Variants in SCNN1B observed in about 807,000 individuals in gnomAD.
SCNN1B encodes epithelial sodium channel subunit beta.
In SCNN1B, 46 loss-of-function variants were observed where a neutral mutation model predicts 65.3. The ratio of observed to expected loss-of-function variants is 0.70; its 90% CI spans 0.56 to 0.90. The LOEUF (loss-of-function observed/expected upper bound fraction) is 0.90, where lower values mean the gene tolerates loss of function less well. Ranked by LOEUF, SCNN1B falls within the 40% of genes least tolerant of loss-of-function variation. The probability of loss-of-function intolerance (pLI) is 0.00; values close to 1 mark genes in which losing one functional copy is unlikely to be tolerated. For synonymous variants in SCNN1B, 349 were observed against 330.6 expected (o/e 1.06, Z -0.60); for missense variants, 751 against 830.5 (o/e 0.90, Z 1.18).
intron 3 of SCNN1B, among the ~76,000 whole-genome samples, chr16:23,354,396 A>G (rs1240594090): frequency 6.6e-6 from 1 of 152,228 alleles, no homozygotes; most frequent in Non-Finnish European, 1.5e-5. Flanking sequence ...TGCCAGGGGA[A>G]GCTTCTCTAT....
Position 23,377,845 on chromosome 16 carries a change from G to A in SCNN1B, c.1404+459G>A, listed in dbSNP as rs191672026. Among the ~76,000 whole-genome samples the A allele has an allele frequency of 2.7e-5, 4 of 149,532 alleles. No individual in the cohort carries two copies. The Admixed American group carries it at 2.7e-4, about 10-fold the overall frequency. ...CCAATATTCTCCCAGGCACTGTGCTGTGTACACAGCACAGAATTAGACAGA... is the reference window on the plus strand; with the variant it reads ...CCAATATTCTCCCAGGCACTGTGCTATGTACACAGCACAGAATTAGACAGA... On this transcript the variant is annotated intron_variant, in intron 10 of 12. Transcript: ENST00000343070.
intron 1 of SCNN1B, among the ~76,000 whole-genome samples, chr16:23,342,545 C>G (rs1410560819): frequency 6.6e-6 from 1 of 152,216 alleles, no homozygotes; most frequent in African/African-American, 2.4e-5. Context: ...CTGTGCCCAG[C>G]CTGCAATTCT....
At chr16:23,292,373 A>G (rs2141971049) in intron 2 of SCNN1B, among the ~76,000 whole-genome samples, 1 of 149,176 alleles carries the variant, frequency 6.7e-6, no homozygotes, top group Non-Finnish European at 1.5e-5. Context: ...TTGTTTTTGT[A>G]TTTTTAGTAG....
At chr16:23,342,779 T>A (rs1962080109) in intron 1 of SCNN1B, among the ~76,000 whole-genome samples, 1 of 152,128 alleles carries the variant, frequency 6.6e-6, no homozygotes, top group South Asian at 2.1e-4. Context: ...AAAAGCTTGA[T>A]TTATATGAAA....
intron 1 of SCNN1B, chr16:23,304,230 C>G (rs1961145606): frequency 1.4e-6 from 1 of 702,154 alleles, no homozygotes; most frequent in African/African-American, 1.8e-5. Context: ...TTCCACTGCT[C>G]ACATACGGAC....
At chr16:23,288,937 T>C (rs774775815) in intron 2 of SCNN1B, among the ~76,000 whole-genome samples, 8 of 152,226 alleles carry the variant, frequency 5.3e-5, no homozygotes, top group Admixed American at 6.5e-5. Context: ...TCTCAGTTTC[T>C]TGCCATGTGA....
In SCNN1B at chr16:23,343,475, A is replaced by AAGGAAGGAAGG. The variant is rs1567304134; in HGVS notation, c.-8-5116_-8-5115insGGAAGGAAGGA. On this transcript the variant is annotated intron_variant, in intron 1 of 12. Transcript: ENST00000343070. ...CAAAAATAAAAAAAGGAAAAGAAAG[A>AAGGAAGGAAGG]AAGGAAGGAAGGAAGGAAGGAAGGA... 2.9e-3 allele frequency among the ~76,000 whole-genome samples: 325 copies of AAGGAAGGAAGG among 113,134 alleles called. 18 individuals carry two copies. Among genetic ancestry groups the AAGGAAGGAAGG allele is most frequent in the African/African-American group, 0.017 (308 of 18,172 alleles). The allele number at this position is 113,134 out of a possible 152,430, so 74.2% of individuals were successfully genotyped here. A position where few individuals can be genotyped will look rare whatever the true frequency, so the allele number is the denominator to read the frequency against.
chr16:23,307,388 C>T (rs183045017), intron 1 of SCNN1B, among the ~76,000 whole-genome samples: 167 of 143,734 alleles, frequency 1.2e-3, no homozygotes, highest in African/African-American at 4.1e-3. Context: ...GGTGTGATCT[C>T]GGCTCACTGC....
Position 23,305,576 on chromosome 16 carries a change from AT to A in SCNN1B, c.-9+3141del, listed in dbSNP as rs1162728377. Among the ~76,000 whole-genome samples, 172 of 25,146 alleles carry A rather than the reference AT, an allele frequency of 6.8e-3. 12 individuals are homozygous for A. Among genetic ancestry groups the A allele is most frequent in the African/African-American group, 0.043 (116 of 2,680 alleles). 16.5% of individuals were successfully genotyped at this position (25,146 alleles called of 152,430 possible). On this transcript the variant is annotated intron_variant, in intron 1 of 12. Coordinates refer to ENST00000343070, the MANE Select transcript of SCNN1B (RefSeq NM_000336.3). Reference sequence around the variant, plus strand: ...TATATATATATATATATATATATATATTATATATATATATATATATATAACC... The same window carrying A: ...TATATATATATATATATATATATATATATATATATATATATATATATAACC...
At chr16:23,301,683 G>A (rs1265101383), upstream of SCNN1B, among the ~76,000 whole-genome samples, 2 of 152,166 alleles carry the variant, frequency 1.3e-5, no homozygotes, top group East Asian at 3.8e-4. Context: ...GAGCACAGGT[G>A]TAGTGGGCAC....
intron 1 of SCNN1B, among the ~76,000 whole-genome samples, chr16:23,334,889 A>G (rs1211323566): frequency 6.6e-6 from 1 of 152,166 alleles, no homozygotes; most frequent in Non-Finnish European, 1.5e-5. Context: ...TCAGCACATA[A>G]ACGTGTTTTT....
At chr16:23,339,040 C>G (rs932430032) in intron 1 of SCNN1B, among the ~76,000 whole-genome samples, 1 of 152,182 alleles carries the variant, frequency 6.6e-6, no homozygotes, top group Non-Finnish European at 1.5e-5. Context: ...CCACTACTCA[C>G]CCAAGGCCCA....
At chr16:23,351,454 A>C (rs1962306982) in intron 2 of SCNN1B, among the ~76,000 whole-genome samples, 1 of 152,128 alleles carries the variant, frequency 6.6e-6, no homozygotes, top group South Asian at 2.1e-4. Context: ...GGCTGTAATA[A>C]CACCACCACC....
At chr16:23,281,927 C>T (rs1960789749) in intron 1 of SCNN1B, among the ~76,000 whole-genome samples, 1 of 152,148 alleles carries the variant, frequency 6.6e-6, no homozygotes, top group South Asian at 2.1e-4. Context: ...TGCAGTGGCT[C>T]ATGCCTGTAA....
intron 4 of SCNN1B, among the ~76,000 whole-genome samples, chr16:23,364,619 C>A (rs762595859): frequency 5.3e-5 from 8 of 152,188 alleles, no homozygotes; most frequent in Non-Finnish European, 1.0e-4. Flanking sequence ...GAGGCTCCAG[C>A]AAGAATCCAG....
At chr16:23,334,468 G>A (rs968881266) in intron 1 of SCNN1B, among the ~76,000 whole-genome samples, 2 of 152,176 alleles carry the variant, frequency 1.3e-5, no homozygotes, top group African/African-American at 2.4e-5. Context: ...TGGCAGTGGA[G>A]GGCAGGCAGT....
chr16:23,293,474 T>C (rs1002348433), intron 2 of SCNN1B, among the ~76,000 whole-genome samples: 9 of 152,176 alleles, frequency 5.9e-5, no homozygotes, highest in African/African-American at 2.2e-4. Context: ...GTCAAAATCA[T>C]AGAGACAGGA....
chr16:23,334,418 A>G (rs1373425215), intron 1 of SCNN1B, among the ~76,000 whole-genome samples: 1 of 152,164 alleles, frequency 6.6e-6, no homozygotes, highest in Non-Finnish European at 1.5e-5. Flanking sequence ...TATGCACAGG[A>G]TTCACACTAC....
At chr16:23,285,062 C>G (rs1017580585) in intron 2 of SCNN1B, among the ~76,000 whole-genome samples, 24 of 152,152 alleles carry the variant, frequency 1.6e-4, no homozygotes, top group African/African-American at 5.8e-4. Flanking sequence ...AATCCTGGAA[C>G]AGAAAAAACA....
Sources: allele counts gnomAD v4.1 joint callset (sites outside exome capture counted in the v4.1 genomes callset), GRCh38; gene constraint gnomAD v4.1.1; transcripts MANE v1.5; gene names NCBI Gene and HGNC (gene_info 2026-07-23, HGNC 2026-07-21).